Variants in TP53BP1 observed in about 807,000 individuals in gnomAD.
TP53BP1 encodes tumor protein p53 binding protein 1.
TP53BP1 carries 61 observed loss-of-function variants against 200.8 expected under a neutral mutation model. The observed-to-expected ratio is 0.30, with a 90% CI of 0.25 to 0.38. TP53BP1 has a LOEUF of 0.38. Ranked by LOEUF, TP53BP1 falls within the 10% of genes least tolerant of loss-of-function variation. The pLI, the probability that TP53BP1 is intolerant of heterozygous loss-of-function variation, is 1.00. For missense variants in TP53BP1, 2,144 were observed against 2,371.9 expected (o/e 0.90, Z 2.00); for synonymous variants, 822 against 844.3 (o/e 0.97, Z 0.46).
rs1269419651 is a variant in TP53BP1 at position 43,416,295 on chromosome 15, C to T, written c.4803G>A (p.Leu1601=). ...VILSLEQGNR[L]REQYGLGPYE... Reference sequence around the variant, plus strand: ...AGGGGCCAAGCCCATACTGCTCTCTCAGTCTGTTTCCTTGCTCCAAGGACA... The same window carrying T: ...AGGGGCCAAGCCCATACTGCTCTCTTAGTCTGTTTCCTTGCTCCAAGGACA... Residue 1601 remains leucine (L), a synonymous_variant, in exon 22 of 28, where the codon CTG becomes CTA. Transcript: ENST00000382044. 6.2e-7 allele frequency: 1 copy of T among 1,614,116 alleles called. No homozygotes were observed. Among genetic ancestry groups the T allele is most frequent in the African/African-American group, 1.3e-5 (1 of 74,940 alleles).
rs1486376003 is a variant in TP53BP1 at position 43,407,298 on chromosome 15, C to CAGTT, written c.*81_*84dup. The CAGTT allele has an allele frequency of 4.4e-6, 5 of 1,143,690 alleles. No homozygotes were observed. Among genetic ancestry groups the CAGTT allele is most frequent in the African/African-American group, 1.5e-5 (1 of 65,006 alleles). 70.8% of individuals were successfully genotyped at this position (1,143,690 alleles called of 1,614,324 possible). Reference sequence around the variant, plus strand: ...ATATACAAGATCCATGCAAGGAATCCAGTTACACACAAGACACATTTAAAA... The same window carrying CAGTT: ...ATATACAAGATCCATGCAAGGAATCCAGTTAGTTACACACAAGACACATTTAAAA... On this transcript the variant is annotated 3_prime_UTR_variant, in exon 28 of 28. Coordinates refer to ENST00000382044, the MANE Select transcript of TP53BP1 (RefSeq NM_001141980.3).
intron 25 of TP53BP1, 129 bp from the exon 26 acceptor site, chr15:43,409,225 A>C: frequency 1.2e-6 from 1 of 801,140 alleles, no homozygotes; most frequent in Non-Finnish European, 2.0e-6. Flanking sequence ...GATTTAGTCT[A>C]TCCTGCCCAA....
At chr15:43,462,994 T>C (rs981140284) in intron 11 of TP53BP1, among the ~76,000 whole-genome samples, 2 of 151,924 alleles carry the variant, frequency 1.3e-5, no homozygotes, top group African/African-American at 4.8e-5. Flanking sequence ...GAGGAGGAGG[T>C]TGCAGTGAGC....
intron 11 of TP53BP1, among the ~76,000 whole-genome samples, chr15:43,458,785 A>G (rs1282213671): frequency 2.3e-5 from 3 of 133,228 alleles, no homozygotes; most frequent in Non-Finnish European, 4.5e-5. Context: ...CTCTGTCCCA[A>G]AAAAAGACAA....
chr15:43,404,325 T>C lies in TP53BP1; in HGVS notation c.*3058A>G. On this transcript the variant is annotated 3_prime_UTR_variant, in exon 28 of 28. Coordinates refer to ENST00000382044, the MANE Select transcript of TP53BP1 (RefSeq NM_001141980.3). ...TCTGTAGAATTTTGAACAAGGCTTT[T>C]CCAAGAAACTCCTCCCTCCGCCCCC... 1.3e-6 allele frequency: 2 copies of C among 1,525,644 alleles called. No homozygotes were observed. The highest frequency in any genetic ancestry group is 1.2e-5 in the South Asian group (1 of 80,034). The allele number at this position is 1,525,644 out of a possible 1,614,324, so 94.5% of individuals were successfully genotyped here.
At chr15:43,486,127 A>T (rs1014238491) in intron 4 of TP53BP1, among the ~76,000 whole-genome samples, 1 of 152,060 alleles carries the variant, frequency 6.6e-6, no homozygotes, top group African/African-American at 2.4e-5. Context: ...CCGTAATCCC[A>T]GCAGTTTGGG....
Position 43,404,393 on chromosome 15 carries a change from C to T in TP53BP1, c.*2990G>A, listed in dbSNP as rs762698505. 8 of 1,613,800 alleles carry T rather than the reference C, an allele frequency of 5.0e-6. No homozygotes were observed. In the South Asian group the frequency reaches 8.8e-5, roughly 18 times the overall value. On this transcript the variant is annotated 3_prime_UTR_variant, in exon 28 of 28. Transcript: ENST00000382044. ...TTGGTGAGCTGAAGTGGAATGACAGCTGAGTCCTTCTCTCTGCAGGGCTTT... is the reference window on the plus strand; with the variant it reads ...TTGGTGAGCTGAAGTGGAATGACAGTTGAGTCCTTCTCTCTGCAGGGCTTT...
Position 43,479,502 on chromosome 15 carries a change from T to A in TP53BP1, c.683A>T (p.Asn228Ile). The A allele has an allele frequency of 6.2e-7, 1 of 1,612,792 alleles. No individual in the cohort carries two copies. Among genetic ancestry groups the A allele is most frequent in the Non-Finnish European group, 8.5e-7 (1 of 1,179,570 alleles). ...CTGTTCTGCTATGGGGATATCTTCG[T>A]TGGACTGTTCTTCATGCTTAATTGC... The part of the protein sequence containing the change: ...NTAIKHEEQS[N>I]EDIPIAEQSS... The change falls in exon 7 of 28, where the codon AAC (asparagine) becomes ATC (isoleucine). Residue 228 changes from asparagine (N) to isoleucine (I), a missense_variant. Physicochemically the swap from Asn to Ile is moderately radical, Grantham distance 149. Coordinates refer to ENST00000382044, the MANE Select transcript of TP53BP1 (RefSeq NM_001141980.3).
upstream of TP53BP1, among the ~76,000 whole-genome samples, chr15:43,493,550 G>A (rs1297632885): frequency 8.5e-6 from 1 of 118,058 alleles, no homozygotes; most frequent in Non-Finnish European, 1.6e-5. Context: ...CAAAGAAGAA[G>A]CGGCTTGAGG....
At chr15:43,407,748 T>C in intron 27 of TP53BP1, 178 bp from the exon 28 acceptor site, 3 of 781,408 alleles carry the variant, frequency 3.8e-6, no homozygotes, top group East Asian at 2.7e-5. Context: ...TGTGCTGACC[T>C]TGTAGAAATA....
chr15:43,464,015 C>T (rs2046501261), intron 11 of TP53BP1, among the ~76,000 whole-genome samples: 1 of 152,100 alleles, frequency 6.6e-6, no homozygotes, highest in Non-Finnish European at 1.5e-5. Flanking sequence ...TCTGACCAGG[C>T]CAAGATGAAT....
At position 43,438,345 on chromosome 15, in the gene TP53BP1, T is replaced by C. The variant is rs758395248; in HGVS notation, c.3170A>G (p.Asp1057Gly). Residue 1057 changes from aspartate (D) to glycine (G), a missense_variant, in exon 16 of 28, where the codon GAT becomes GGT. Asp to Gly is a moderately conservative substitution (Grantham distance 94). Coordinates refer to ENST00000382044, the MANE Select transcript of TP53BP1 (RefSeq NM_001141980.3). ...ARQENEARSEDPPTTPIRGNL... is the reference protein window; with the variant it reads ...ARQENEARSEGPPTTPIRGNL... The stretch of plus-strand genomic sequence containing the variant: ...TTACCTGATGGGTGTGGTGGGGGGA[T>C]CCTCACTTCGAGCCTCATTCTCTTG... The C allele has an allele frequency of 3.1e-6, 5 of 1,613,844 alleles. No individual in the cohort carries two copies. Among genetic ancestry groups the C allele is most frequent in the Admixed American group, 3.3e-5 (2 of 59,990 alleles).
At position 43,420,377 on chromosome 15, in the gene TP53BP1, T is replaced by C; in HGVS notation, c.4609A>G (p.Ile1537Val). Residue 1537 changes from isoleucine to valine, a missense_variant, in exon 21 of 28, where the codon ATT becomes GTT. This residue lies in a region of TP53BP1 where 61 missense variants were observed against 147.5 expected (regional missense o/e 0.41). Transcript: ENST00000382044. ...AGCGGGATGGGGTCACATAACAGAATGTCTTTGCCCAACACATCACATTCG... is the reference window on the plus strand; with the variant it reads ...AGCGGGATGGGGTCACATAACAGAACGTCTTTGCCCAACACATCACATTCG... ...GYECDVLGKD[I>V]LLCDPIPLDT... 6.2e-7 allele frequency: 1 copy of C among 1,614,176 alleles called. No homozygotes were observed. Among genetic ancestry groups the C allele is most frequent in the Non-Finnish European group, 8.5e-7 (1 of 1,180,036 alleles).
chr15:43,414,323 G>A (rs2045208808), intron 23 of TP53BP1, among the ~76,000 whole-genome samples: 1 of 152,190 alleles, frequency 6.6e-6, no homozygotes, highest in South Asian at 2.1e-4. Flanking sequence ...TGTATGTGAG[G>A]TATTATGTGT....
At chr15:43,481,920 A>T (rs958601934) in intron 4 of TP53BP1, among the ~76,000 whole-genome samples, 1 of 151,718 alleles carries the variant, frequency 6.6e-6, no homozygotes, top group Middle Eastern at 3.2e-3. Context: ...AGCAAACTCC[A>T]TATATTTTTA....
intron 24 of TP53BP1, 54 bp from the exon 25 acceptor site, chr15:43,409,795 C>T: frequency 1.1e-6 from 1 of 873,352 alleles, no homozygotes; most frequent in South Asian, 1.9e-5. Context: ...TTCTTATTTG[C>T]TACCTTATGC....
intron 11 of TP53BP1, among the ~76,000 whole-genome samples, chr15:43,457,699 A>AG: frequency 6.7e-6 from 1 of 149,948 alleles, no homozygotes; most frequent in South Asian, 2.1e-4. Context: ...AAAAAAAAAA[A>AG]AAAGCTAGCA....
At chr15:43,480,838 A>T (rs7173383) in intron 5 of TP53BP1, 57 bp downstream of exon 5, 4 of 1,590,740 alleles carry the variant, frequency 2.5e-6, no homozygotes, top group African/African-American at 1.3e-5. Flanking sequence ...ACATCTGCAC[A>T]ATCATGTTAA....
chr15:43,445,570 A>G (rs866230927), intron 14 of TP53BP1, among the ~76,000 whole-genome samples: 1 of 152,230 alleles, frequency 6.6e-6, no homozygotes, highest in South Asian at 2.1e-4. Flanking sequence ...GACCTTAGAC[A>G]TGTAACTTAA....
Sources: allele counts gnomAD v4.1 joint callset (sites outside exome capture counted in the v4.1 genomes callset), GRCh38; gene constraint gnomAD v4.1.1; regional missense constraint gnomAD v4.1.1; transcripts MANE v1.5; gene names NCBI Gene and HGNC (gene_info 2026-07-23, HGNC 2026-07-21).